The following MCM8 variants were observed in gnomAD, a reference collection of about 807,000 sequenced individuals.
The protein encoded by MCM8 is DNA helicase MCM8.
A neutral mutation model predicts 98.9 loss-of-function variants in MCM8; 85 were observed. The ratio of observed to expected loss-of-function variants is 0.86; its 90% CI spans 0.72 to 1.03. The LOEUF is 1.03. Ranked by LOEUF, MCM8 falls within the 50% of genes least tolerant of loss-of-function variation. The pLI is 0.00. For missense variants in MCM8, 951 were observed against 997.8 expected, an observed-to-expected ratio of 0.95 and a Z score of 0.63; for synonymous variants, 352 against 338.6, an observed-to-expected ratio of 1.04 and a Z score of -0.44.
At chr20:5,953,390 C>CT (rs1361093346) in intron 3 of MCM8, among the ~76,000 whole-genome samples, 3 of 151,616 alleles carry the variant, frequency 2.0e-5, no homozygotes, top group South Asian at 4.2e-4. Context: ...AGGGAACTGT[C>CT]TTTTTTGTGC....
chr20:5,972,586 G>C, intron 11 of MCM8: 2 of 376,948 alleles, frequency 5.3e-6, no homozygotes, highest in South Asian at 3.8e-5. Flanking sequence ...ATGGAGTCTT[G>C]CTCTGTCGCC....
chr20:5,983,209 T>G (rs1232462824), intron 14 of MCM8, 44 bp downstream of exon 14: 1 of 1,443,900 alleles, frequency 6.9e-7, no homozygotes, highest in Non-Finnish European at 9.5e-7. Context: ...ATTGAATCAC[T>G]TTAATTCAAT....
chr20:5,993,276 T>C lies in MCM8; in HGVS notation c.2241-230T>C, dbSNP rs368403878. 6.6e-5 allele frequency among the ~76,000 whole-genome samples: 10 copies of C among 152,324 alleles called. No homozygotes were observed. The East Asian group carries it at 1.7e-3, about 26-fold the overall frequency. ...TTTTGTGTTTTTATGCATTTCTCTC[T>C]CCAAATTTAGAAGTTTCTTAAAAGC... On this transcript the variant is annotated intron_variant, in intron 17 of 18. Coordinates refer to ENST00000610722, the MANE Select transcript of MCM8 (RefSeq NM_032485.6).
At chr20:5,951,838 G>A (rs999473757) in intron 1 of MCM8, among the ~76,000 whole-genome samples, 173 bp from the exon 2 acceptor site, 13 of 152,188 alleles carry the variant, frequency 8.5e-5, no homozygotes, top group African/African-American at 2.4e-4. Flanking sequence ...ATAGAGATTA[G>A]AAACTTAACT....
rs779044515 is a variant in MCM8 at position 5,993,581 on chromosome 20, C to T, written c.2316C>T (p.Asn772=). 19 of 1,612,030 alleles carry T rather than the reference C, an allele frequency of 1.2e-5. No homozygotes were observed. In the Admixed American group the frequency reaches 2.5e-4, roughly 21 times the overall value. ...ERSQHGSGMS[N]RSTAKRFISA... Reference sequence around the variant, plus strand: ...CCCAGCATGGTTCTGGAATGAGCAACAGGTCAACAGCGAAAAGATTTATTT... The same window carrying T: ...CCCAGCATGGTTCTGGAATGAGCAATAGGTCAACAGCGAAAAGATTTATTT... The change falls in exon 18 of 19, where the codon AAC becomes AAT. Residue 772 remains asparagine, a synonymous_variant. Coordinates refer to ENST00000610722, the MANE Select transcript of MCM8 (RefSeq NM_032485.6).
At position 5,977,927 on chromosome 20, in the gene MCM8, A is replaced by C; in HGVS notation, c.1447A>C (p.Thr483Pro). 6.2e-7 allele frequency: 1 copy of C among 1,614,222 alleles called. No individual in the cohort carries two copies. The highest frequency in any genetic ancestry group is 8.5e-7 in the Non-Finnish European group (1 of 1,180,042). The change falls in exon 13 of 19, where the codon ACC becomes CCC. Residue 483 changes from threonine (T) to proline (P), a missense_variant. Coordinates refer to ENST00000610722, the MANE Select transcript of MCM8 (RefSeq NM_032485.6). The part of the protein sequence containing the change: ...RGVYVCGNTT[T>P]TSGLTVTLSK... ...CGTGTATGTTTGTGGTAACACCACGACCACCTCTGGTCTGACGGTAACTCT... is the reference window on the plus strand; with the variant it reads ...CGTGTATGTTTGTGGTAACACCACGCCCACCTCTGGTCTGACGGTAACTCT...
intron 14 of MCM8, among the ~76,000 whole-genome samples, chr20:5,984,206 A>G (rs1032105913): frequency 2.6e-5 from 4 of 152,212 alleles, no homozygotes; most frequent in Non-Finnish European, 4.4e-5. Flanking sequence ...TAGAGCCTTA[A>G]GCCTAGTGGG....
Position 5,996,340 on chromosome 20 carries a change from T to A in MCM8, c.*1949T>A, listed in dbSNP as rs1220218899. On this transcript the variant is annotated 3_prime_UTR_variant, in exon 19 of 19. Transcript: ENST00000610722. ...TAAATATAGTGAAGTCTTTAAAAGC[T>A]AGGAGTTAAAAGATATTTAAAGCAA... is the stretch of plus-strand genomic sequence containing the variant. The A allele has an allele frequency of 4.1e-5, 6 of 146,802 alleles. No individual in the cohort carries two copies. The highest frequency in any genetic ancestry group is 1.4e-4 in the Admixed American group (2 of 14,584). 9.1% of individuals were successfully genotyped at this position (146,802 alleles called of 1,614,324 possible). A position where few individuals can be genotyped will look rare whatever the true frequency, so the allele number is the denominator to read the frequency against.
chr20:5,990,055 G>A (rs559940219), intron 17 of MCM8, among the ~76,000 whole-genome samples: 35 of 151,514 alleles, frequency 2.3e-4, no homozygotes, highest in Middle Eastern at 3.5e-3. Flanking sequence ...TATTGGTATG[G>A]CATCACACAG....
chr20:5,981,513 C>G (rs1001322467), intron 13 of MCM8, among the ~76,000 whole-genome samples: 1 of 152,120 alleles, frequency 6.6e-6, no homozygotes, highest in Non-Finnish European at 1.5e-5. Context: ...TTGCTTCCCC[C>G]TCCTAAATCA....
rs997869277 is a variant in MCM8, at chr20:5,995,592, C to G, written c.*1201C>G. The stretch of plus-strand genomic sequence containing the variant: ...ATTGCTGAATTCAAAAAAGAAGTTG[C>G]ATACAAAGACATCTGATTGAAAAAG... On this transcript the variant is annotated 3_prime_UTR_variant, in exon 19 of 19. Coordinates refer to ENST00000610722, the MANE Select transcript of MCM8 (RefSeq NM_032485.6). The G allele has an allele frequency of 6.6e-6, 1 of 152,216 alleles. No homozygotes were observed. The highest frequency in any genetic ancestry group is 1.5e-5 in the Non-Finnish European group (1 of 68,038). The allele number at this position is 152,216 out of a possible 1,614,324, so 9.4% of individuals were successfully genotyped here.
intron 16 of MCM8, among the ~76,000 whole-genome samples, chr20:5,986,476 A>G (rs897177745): frequency 2.0e-5 from 3 of 152,238 alleles, no homozygotes; most frequent in African/African-American, 7.2e-5. Flanking sequence ...TGTGTCAGGT[A>G]TCTTGAGTAT....
intron 7 of MCM8, among the ~76,000 whole-genome samples, chr20:5,959,285 T>TTTTTG (rs1279740751): frequency 6.6e-6 from 1 of 152,232 alleles, no homozygotes; most frequent in African/African-American, 2.4e-5. Context: ...AATATGGTTA[T>TTTTTG]ATAAAGTTGA....
chr20:5,963,488 G>T, intron 8 of MCM8, 129 bp downstream of exon 8: 1 of 528,230 alleles, frequency 1.9e-6, no homozygotes, highest in Non-Finnish European at 3.3e-6. Flanking sequence ...TATAATAGAT[G>T]GTTTATTTGA....
chr20:5,971,401 CT>C (rs2089399884), intron 10 of MCM8, among the ~76,000 whole-genome samples: 1 of 152,216 alleles, frequency 6.6e-6, no homozygotes, highest in Non-Finnish European at 1.5e-5. Flanking sequence ...GATCCCAGGT[CT>C]TTAGACAAAC....
chr20:5,962,963 C>T (rs1286163066), intron 7 of MCM8, among the ~76,000 whole-genome samples: 2 of 152,186 alleles, frequency 1.3e-5, no homozygotes, highest in South Asian at 2.1e-4. Flanking sequence ...GTTGAAGGAG[C>T]GAGAGGTGGC....
chr20:5,951,527 G>C (rs2088823068), intron 1 of MCM8, among the ~76,000 whole-genome samples: 1 of 152,136 alleles, frequency 6.6e-6, no homozygotes, highest in Non-Finnish European at 1.5e-5. Context: ...TGGATTTACA[G>C]AAAAACTGCA....
At position 5,958,691 on chromosome 20, in the gene MCM8, C is replaced by G; in HGVS notation, c.754C>G (p.Pro252Ala). Reference protein sequence around the residue: ...CAACGEIQSFPLPDGKYSLPT... With the variant: ...CAACGEIQSFALPDGKYSLPT... ...TGCATGTGGAGAAATTCAGAGCTTT[C>G]CTCTTCCAGATGGAAAATACAGTCT... is the stretch of plus-strand genomic sequence containing the variant. Residue 252 changes from proline to alanine, a missense_variant, in exon 7 of 19, where the codon CCT becomes GCT. By Grantham distance (27) the Pro-to-Ala change is conservative. Transcript: ENST00000610722. 6.2e-7 allele frequency: 1 copy of G among 1,614,102 alleles called. No individual in the cohort carries two copies. Among genetic ancestry groups the G allele is most frequent in the South Asian group, 1.1e-5 (1 of 91,076 alleles).
At chr20:5,954,740 G>A (rs182246976) in intron 4 of MCM8, 50 bp downstream of exon 4, 32 of 1,030,146 alleles carry the variant, frequency 3.1e-5, no homozygotes, top group East Asian at 7.2e-5. Context: ...TCTTACCAAT[G>A]TATTCGAGGT....
Sources: allele counts gnomAD v4.1 joint callset (sites outside exome capture counted in the v4.1 genomes callset), GRCh38; gene constraint gnomAD v4.1.1; transcripts MANE v1.5; gene names NCBI Gene and HGNC (gene_info 2026-07-23, HGNC 2026-07-21).